Variants in VPS13A observed in about 807,000 individuals in gnomAD.
VPS13A encodes the protein vacuolar protein sorting 13 homolog A, also known as intermembrane lipid transfer protein VPS13A.
VPS13A carries 264 observed loss-of-function variants against 390.9 expected under a neutral mutation model. That is an observed-to-expected ratio of 0.68 (90% CI 0.61 to 0.75). The LOEUF (loss-of-function observed/expected upper bound fraction) is 0.75. Among genes scored for constraint, VPS13A ranks in the 30% least tolerant of loss-of-function variants. The pLI is 0.00. For missense variants in VPS13A, 3,409 were observed against 3,733.9 expected (o/e 0.91, Z 2.27); for synonymous variants, 1,231 against 1,227.1 (o/e 1.00, Z -0.07).
At chr9:77,301,926 T>C (rs985918759) in intron 33 of VPS13A, among the ~76,000 whole-genome samples, 2 of 152,086 alleles carry the variant, frequency 1.3e-5, no homozygotes, top group Non-Finnish European at 2.9e-5. Context: ...TGATGTCTTA[T>C]ATAATGTTTG....
chr9:77,409,767 C>A (rs1054487370), intron 71 of VPS13A, among the ~76,000 whole-genome samples: 3 of 151,114 alleles, frequency 2.0e-5, no homozygotes, highest in African/African-American at 7.3e-5. Context: ...TAGAAATCAA[C>A]AAAGCCTCCA....
intron 68 of VPS13A, among the ~76,000 whole-genome samples, chr9:77,392,983 C>G (rs1205720139): frequency 1.3e-5 from 2 of 152,000 alleles, no homozygotes; most frequent in Admixed American, 6.6e-5. Flanking sequence ...CTTCCTTTCA[C>G]GAAAGATTTA....
intron 32 of VPS13A, 75 bp downstream of exon 32, chr9:77,293,583 A>G: frequency 5.7e-6 from 5 of 875,308 alleles, no homozygotes; most frequent in Non-Finnish European, 7.9e-6. Context: ...GATGAAGACT[A>G]GTAAGAATTC....
At chr9:77,196,972 A>T (rs141263798) in intron 1 of VPS13A, among the ~76,000 whole-genome samples, 99 of 152,244 alleles carry the variant, frequency 6.5e-4, no homozygotes, top group African/African-American at 2.2e-3. Context: ...AGTGTGTAAG[A>T]GTTTCCCTTT....
At position 77,238,277 on chromosome 9, in the gene VPS13A, A is replaced by C. The variant is rs148739733; in HGVS notation, c.1791A>C (p.Thr597=). The C allele has an allele frequency of 3.7e-6, 6 of 1,613,574 alleles. No individual in the cohort carries two copies. Among genetic ancestry groups the C allele is most frequent in the East Asian group, 4.5e-5 (2 of 44,830 alleles). The change falls in exon 19 of 72, where the codon ACA becomes ACC. Residue 597 remains threonine, a synonymous_variant. Coordinates refer to ENST00000360280, the MANE Select transcript of VPS13A (RefSeq NM_033305.3). ...EPLEIIYDAR[T]VNSIVEFFRP... ...AATGATGTTTATTTTAACAGAGGAC[A>C]GTGAATAGTATAGTGGAATTCTTCA...
At chr9:77,284,827 G>A (rs894388950) in intron 31 of VPS13A, among the ~76,000 whole-genome samples, 3 of 151,522 alleles carry the variant, frequency 2.0e-5, no homozygotes, top group South Asian at 2.1e-4. Flanking sequence ...CCTCAGCCTC[G>A]TGAGTGGCTG....
At chr9:77,317,777 C>A in intron 40 of VPS13A, 79 bp downstream of exon 40, 1 of 1,090,474 alleles carries the variant, frequency 9.2e-7, no homozygotes, top group Non-Finnish European at 1.3e-6. Context: ...TATAGCAAGT[C>A]TTTTAATTGT....
At chr9:77,289,254 T>C (rs1056316828) in intron 31 of VPS13A, among the ~76,000 whole-genome samples, 1 of 152,186 alleles carries the variant, frequency 6.6e-6, no homozygotes, top group Non-Finnish European at 1.5e-5. Flanking sequence ...ACAGTCAGTG[T>C]ATATTTAGAT....
At chr9:77,397,802 A>G (rs1206608861) in intron 68 of VPS13A, among the ~76,000 whole-genome samples, 3 of 152,202 alleles carry the variant, frequency 2.0e-5, no homozygotes, top group Non-Finnish European at 2.9e-5. Context: ...GATTCTGACA[A>G]TTGTATATAA....
rs187470637 is a variant in VPS13A at position 77,397,379 on chromosome 9, T to C, written c.9190-5857T>C. ...ACTTGTCTTCCACATGAGTCAGATA[T>C]TGATTAGATTTTGGTTTTTTGTTTT... On this transcript the variant is annotated intron_variant, in intron 68 of 71. Transcript: ENST00000360280. Among the ~76,000 whole-genome samples the C allele has an allele frequency of 2.0e-5, 3 of 152,302 alleles. No individual in the cohort carries two copies. The East Asian group carries it at 5.8e-4, about 29-fold the overall frequency.
chr9:77,177,627 C>A lies in VPS13A; in HGVS notation c.-78C>A. 1.4e-6 allele frequency: 2 copies of A among 1,381,534 alleles called. No homozygotes were observed. Among genetic ancestry groups the A allele is most frequent in the Non-Finnish European group, 2.0e-6 (2 of 984,112 alleles). 85.6% of individuals were successfully genotyped at this position (1,381,534 alleles called of 1,614,324 possible). ...CCCCGGAGCCGGTGAACCGAATTAC[C>A]TCGAGGGAGGGGCGTGGGGAAGGCG... is the stretch of plus-strand genomic sequence containing the variant. On this transcript the variant is annotated 5_prime_UTR_variant, in exon 1 of 72. Transcript: ENST00000360280.
At chr9:77,270,524 C>G (rs887660417) in intron 23 of VPS13A, among the ~76,000 whole-genome samples, 4 of 152,110 alleles carry the variant, frequency 2.6e-5, no homozygotes, top group Non-Finnish European at 5.9e-5. Context: ...AATCCCGTCT[C>G]TACTAAAAAT....
chr9:77,340,767 A>T, intron 50 of VPS13A: 1 of 535,630 alleles, frequency 1.9e-6, no homozygotes. Context: ...TTGTTAAGGG[A>T]GGTAGACGTT....
intron 58 of VPS13A, 108 bp from the exon 59 acceptor site, chr9:77,360,428 T>C (rs2131563230): frequency 1.2e-6 from 1 of 826,212 alleles, no homozygotes; most frequent in Non-Finnish European, 2.0e-6. Flanking sequence ...TAAATAGTCC[T>C]AAGTTTCAAA....
rs1825859263 is a variant in VPS13A, at chr9:77,263,298, G to A, written c.2427+3074G>A. 1.3e-5 allele frequency among the ~76,000 whole-genome samples: 2 copies of A among 151,852 alleles called. 1 individual carries two copies. Among genetic ancestry groups the A allele is most frequent in the South Asian group, 4.2e-4 (2 of 4,808 alleles). The stretch of plus-strand genomic sequence containing the variant: ...ATTTTTTTGTATTTTTAGTAGAGAT[G>A]GGGTTTCACCATTTTAGCCAGGATG... On this transcript the variant is annotated intron_variant, in intron 23 of 71. Coordinates refer to ENST00000360280, the MANE Select transcript of VPS13A (RefSeq NM_033305.3).
rs763116178 is a variant in VPS13A, at chr9:77,226,633, C to T, written c.1357+35C>T. On this transcript the variant is annotated intron_variant, in intron 15 of 71. Coordinates refer to ENST00000360280, the MANE Select transcript of VPS13A (RefSeq NM_033305.3). Reference sequence around the variant, plus strand: ...TTTCATTTTACAGCATAGTTAATCACTGGGTGTCAAAATAAAGTTTTGCCA... The same window carrying T: ...TTTCATTTTACAGCATAGTTAATCATTGGGTGTCAAAATAAAGTTTTGCCA... 7.5e-6 allele frequency: 12 copies of T among 1,596,394 alleles called. No individual in the cohort carries two copies. In the African/African-American group the frequency reaches 1.5e-4, roughly 20 times the overall value.
intron 46 of VPS13A, among the ~76,000 whole-genome samples, chr9:77,332,892 T>C (rs1830349629): frequency 6.6e-6 from 1 of 152,204 alleles, no homozygotes; most frequent in Non-Finnish European, 1.5e-5. Context: ...CCTGTTCTCT[T>C]GTCCAGAAGT....
chr9:77,208,750 A>G (rs188807300), intron 5 of VPS13A, among the ~76,000 whole-genome samples: 251 of 152,282 alleles, frequency 1.6e-3, no homozygotes, highest in Non-Finnish European at 3.0e-3. Flanking sequence ...GGGTTTCGCC[A>G]TAGTGGCCAG....
At chr9:77,314,378 A>T (rs1383519633) in intron 36 of VPS13A, 117 bp from the exon 37 acceptor site, 4 of 1,132,770 alleles carry the variant, frequency 3.5e-6, no homozygotes, top group Non-Finnish European at 5.1e-6. Context: ...AGCCCTTCGG[A>T]GACAGAATTT....
Sources: allele counts gnomAD v4.1 joint callset (sites outside exome capture counted in the v4.1 genomes callset), GRCh38; gene constraint gnomAD v4.1.1; transcripts MANE v1.5; gene names NCBI Gene and HGNC (gene_info 2026-07-23, HGNC 2026-07-21).